CEP170: variants seen among roughly 807,000 people sequenced by gnomAD.
The protein encoded by CEP170 is centrosomal protein 170.
A neutral mutation model predicts 151.9 loss-of-function variants in CEP170; 21 were observed. The observed-to-expected ratio is 0.14, with a 90% confidence interval of 0.10 to 0.20. CEP170 has a LOEUF of 0.20. CEP170 is among the 10% of genes least tolerant of loss of function. The pLI, the probability that CEP170 is intolerant of heterozygous loss-of-function variation, is 1.00. For synonymous variants in CEP170, 356 were observed against 648.8 expected (o/e 0.55, Z 6.86); for missense variants, 964 against 1,892.9 (o/e 0.51, Z 9.11).
intron 13 of CEP170, 133 bp downstream of exon 13, chr1:243,164,151 C>T (rs965745917): frequency 3.4e-6 from 4 of 1,183,696 alleles, no homozygotes; most frequent in East Asian, 3.0e-5. Flanking sequence ...GCCGCTGCCC[C>T]GTATATCATA....
chr1:243,166,270 T>C (rs572572956), intron 12 of CEP170, among the ~76,000 whole-genome samples, 154 bp from the exon 13 acceptor site: 30 of 152,304 alleles, frequency 2.0e-4, no homozygotes, highest in African/African-American at 7.0e-4. Flanking sequence ...TTGAGTACCT[T>C]ATATAAAGTG....
intron 2 of CEP170, among the ~76,000 whole-genome samples, chr1:243,223,634 AAC>A (rs2062998054): frequency 6.6e-6 from 1 of 152,214 alleles, no homozygotes; most frequent in South Asian, 2.1e-4. Context: ...CTAAGAGAAC[AAC>A]AGAGTCCACT....
chr1:243,146,539 CAA>C (rs2056507800), intron 14 of CEP170, among the ~76,000 whole-genome samples: 1 of 151,676 alleles, frequency 6.6e-6, no homozygotes, highest in Non-Finnish European at 1.5e-5. Flanking sequence ...TGGGTAAAAA[CAA>C]ATTTTGTTTC....
At position 243,126,216 on chromosome 1, in the gene CEP170, C is replaced by T. The variant is rs1329575973; in HGVS notation, c.*233G>A. 6.4e-6 allele frequency: 4 copies of T among 625,972 alleles called. No homozygotes were observed. The highest frequency in any genetic ancestry group is 3.4e-5 in the East Asian group (1 of 29,778). The allele number at this position is 625,972 out of a possible 1,614,324, so 38.8% of individuals were successfully genotyped here. A position where few individuals can be genotyped will look rare whatever the true frequency, so the allele number is the denominator to read the frequency against. On this transcript the variant is annotated 3_prime_UTR_variant, in exon 20 of 20. Transcript: ENST00000366542. ...TTGAAAATCATAAAACCACAAAAGG[C>T]GACACTGCCACAATCTGCTTTTTCC...
chr1:243,147,079 C>T (rs540006634), intron 14 of CEP170, among the ~76,000 whole-genome samples: 1 of 152,232 alleles, frequency 6.6e-6, no homozygotes, highest in South Asian at 2.1e-4. Context: ...GAAATGCTAT[C>T]TCCAAATAAA....
At chr1:243,237,760 C>T (rs1408938091) in intron 1 of CEP170, among the ~76,000 whole-genome samples, 15 of 152,082 alleles carry the variant, frequency 9.9e-5, no homozygotes, top group Admixed American at 7.2e-4. Flanking sequence ...AAAAAATTAG[C>T]TGGGCCTTGT....
At chr1:243,226,571 T>C (rs533207821) in intron 1 of CEP170, among the ~76,000 whole-genome samples, 4 of 152,306 alleles carry the variant, frequency 2.6e-5, no homozygotes, top group East Asian at 3.9e-4. Context: ...TTTCAAATAA[T>C]TGTAATTATT....
At chr1:243,213,695 TGGGTTTTGTGG>T (rs1375636787) in intron 3 of CEP170, among the ~76,000 whole-genome samples, 9 of 152,294 alleles carry the variant, frequency 5.9e-5, no homozygotes, top group Admixed American at 2.0e-4. Context: ...TGAATGATTT[TGGGTTTTGTGG>T]GGGTTTTGTT....
At chr1:243,132,916 C>T (rs2054590024) in intron 17 of CEP170, among the ~76,000 whole-genome samples, 1 of 152,174 alleles carries the variant, frequency 6.6e-6, no homozygotes, top group African/African-American at 2.4e-5. Flanking sequence ...TTTCCAGGTG[C>T]AAGCCACATG....
At chr1:243,135,223 T>G (rs900101191) in intron 17 of CEP170, among the ~76,000 whole-genome samples, 2 of 152,190 alleles carry the variant, frequency 1.3e-5, no homozygotes, top group Non-Finnish European at 2.9e-5. Flanking sequence ...ATTTATTTAT[T>G]TGAGACAGAG....
At chr1:243,135,267 T>C (rs1164231604) in intron 17 of CEP170, among the ~76,000 whole-genome samples, 3 of 152,136 alleles carry the variant, frequency 2.0e-5, no homozygotes, top group Non-Finnish European at 4.4e-5. Flanking sequence ...AGTGCAGTGG[T>C]GCGATCTCGG....
At chr1:243,244,659 T>C (rs1361019563) in intron 1 of CEP170, among the ~76,000 whole-genome samples, 1 of 151,998 alleles carries the variant, frequency 6.6e-6, no homozygotes, top group Non-Finnish European at 1.5e-5. Flanking sequence ...GGCGGGAGGA[T>C]GGCTTGAGCC....
In CEP170 at chr1:243,191,096, G is replaced by A; in HGVS notation, c.1030C>T (p.Gln344Ter). The change falls in exon 8 of 20, where the codon CAA becomes TAA. Residue 344 changes from glutamine (Q) to a stop codon, truncating the protein, a stop_gained. Coordinates refer to ENST00000366542, the MANE Select transcript of CEP170 (RefSeq NM_014812.3). LOFTEE classifies it high-confidence loss of function. ...TCTTCTGTTCTTTCCCATAGCATTT[G>A]AGGAGGGTTGTTTTGTGCTAGCCAG... Reference protein sequence around the residue: ...ADWLAQNNPPQMLWERTEEDS... With the variant: ...ADWLAQNNPP 6.2e-7 allele frequency: 1 copy of A among 1,613,154 alleles called. No individual in the cohort carries two copies.
rs2055128737 is a variant in CEP170 at position 243,136,738 on chromosome 1, T to C, written c.4231-507A>G. On this transcript the variant is annotated intron_variant, in intron 16 of 19. Coordinates refer to ENST00000366542, the MANE Select transcript of CEP170 (RefSeq NM_014812.3). Reference sequence around the variant, plus strand: ...TAAGTTTTTATACTGGGTGTTGGTATTACTCCAGTTGAGATGCGTGGGCAA... The same window carrying C: ...TAAGTTTTTATACTGGGTGTTGGTACTACTCCAGTTGAGATGCGTGGGCAA... Among the ~76,000 whole-genome samples, 6 of 152,352 alleles carry C rather than the reference T, an allele frequency of 3.9e-5. 1 individual carries two copies. The South Asian group carries it at 1.2e-3, about 32-fold the overall frequency.
At chr1:243,201,517 T>C (rs1287629696) in intron 4 of CEP170, among the ~76,000 whole-genome samples, 4 of 151,936 alleles carry the variant, frequency 2.6e-5, no homozygotes, top group Non-Finnish European at 5.9e-5. Context: ...AGAGTAGAGG[T>C]CACATTTCCC....
intron 18 of CEP170, 72 bp downstream of exon 18, chr1:243,129,288 C>G: frequency 1.5e-6 from 2 of 1,302,818 alleles, no homozygotes; most frequent in Non-Finnish European, 2.0e-6. Context: ...ACGAACAGCT[C>G]AAAAATAAGG....
chr1:243,184,154 T>C (rs1282177073), intron 10 of CEP170, among the ~76,000 whole-genome samples: 3 of 152,084 alleles, frequency 2.0e-5, no homozygotes, highest in African/African-American at 7.2e-5. Flanking sequence ...TATAATAAGA[T>C]AGGTATTGTG....
chr1:243,250,302 AGG>A (rs2065822175), intron 1 of CEP170, among the ~76,000 whole-genome samples: 1 of 152,258 alleles, frequency 6.6e-6, no homozygotes, highest in Admixed American at 6.5e-5. Flanking sequence ...TCAAAAAGCC[AGG>A]AAGGAAAGCT....
In CEP170 at chr1:243,225,186, A is replaced by G; in HGVS notation, c.95T>C (p.Leu32Pro). 6.3e-7 allele frequency: 1 copy of G among 1,591,732 alleles called. No individual in the cohort carries two copies. Among genetic ancestry groups the G allele is most frequent in the Non-Finnish European group, 8.5e-7 (1 of 1,169,884 alleles). The change falls in exon 2 of 20, where the codon CTC becomes CCC. Residue 32 changes from leucine (L) to proline (P), a missense_variant. Coordinates refer to ENST00000366542, the MANE Select transcript of CEP170 (RefSeq NM_014812.3). The stretch of plus-strand genomic sequence containing the variant: ...GCTTGACACAATTACCTGCAACATG[A>G]GCTCACAGTCATCTCTTCCAACAAA... ...MIFVGRDDCE[L>P]MLQSRSVDKQ...
Sources: allele counts gnomAD v4.1 joint callset (sites outside exome capture counted in the v4.1 genomes callset), GRCh38; gene constraint gnomAD v4.1.1; transcripts MANE v1.5; gene names NCBI Gene and HGNC (gene_info 2026-07-23, HGNC 2026-07-21).